Variants in WDR72 observed in about 807,000 individuals in gnomAD.
The protein encoded by WDR72 is WD repeat domain 72.
Under a neutral mutation model 124.2 loss-of-function variants are expected in WDR72, and 120 were observed. The ratio of observed to expected loss-of-function variants is 0.97; its 90% CI spans 0.83 to 1.12. The LOEUF (loss-of-function observed/expected upper bound fraction) is 1.12, where lower values mean the gene tolerates loss of function less well. Ranked by LOEUF, WDR72 falls within the 50% of genes most tolerant of loss-of-function variation. The probability of loss-of-function intolerance (pLI) is 0.00; values close to 1 mark genes in which losing one functional copy is unlikely to be tolerated. For synonymous variants in WDR72, 452 were observed against 441.7 expected, an observed-to-expected ratio of 1.02 and a Z score of -0.29; for missense variants, 1,387 against 1,278.8, an observed-to-expected ratio of 1.08 and a Z score of -1.29.
chr15:53,760,097 G>A (rs536109137), upstream of WDR72, among the ~76,000 whole-genome samples: 1 of 150,346 alleles, frequency 6.7e-6, no homozygotes, highest in African/African-American at 2.5e-5. Context: ...TTTTGATACA[G>A]ACAAACAATG....
chr15:53,706,207 C>A, intron 9 of WDR72, 133 bp from the exon 10 acceptor site: 1 of 1,085,036 alleles, frequency 9.2e-7, no homozygotes, highest in South Asian at 1.5e-5. Flanking sequence ...TTGACATTTT[C>A]AAGTAAATTA....
At chr15:53,596,405 T>G (rs1171073646) in intron 18 of WDR72, among the ~76,000 whole-genome samples, 1 of 152,130 alleles carries the variant, frequency 6.6e-6, no homozygotes, top group African/African-American at 2.4e-5. Context: ...CCCTAAACCA[T>G]AAACATTATC....
chr15:53,537,293 A>T (rs1215373520), intron 18 of WDR72, among the ~76,000 whole-genome samples: 2 of 152,174 alleles, frequency 1.3e-5, no homozygotes, highest in African/African-American at 4.8e-5. Context: ...TAATTATTAG[A>T]TGTTCAGAGA....
chr15:53,652,301 C>T (rs2015270300), intron 14 of WDR72, among the ~76,000 whole-genome samples: 1 of 152,184 alleles, frequency 6.6e-6, no homozygotes, highest in Non-Finnish European at 1.5e-5. Flanking sequence ...CCTGGGGCTG[C>T]TAATCCAGTA....
intron 14 of WDR72, among the ~76,000 whole-genome samples, chr15:53,621,031 CAACA>C (rs2140376493): frequency 6.6e-6 from 1 of 151,848 alleles, no homozygotes; most frequent in East Asian, 1.9e-4. Flanking sequence ...TAAAAATTGC[CAACA>C]AACATATAAA....
At chr15:53,625,170 T>A (rs1169303136) in intron 14 of WDR72, among the ~76,000 whole-genome samples, 2 of 152,190 alleles carry the variant, frequency 1.3e-5, no homozygotes, top group Non-Finnish European at 2.9e-5. Context: ...ACTGCAATTT[T>A]TAAAAGTCTA....
intron 17 of WDR72, among the ~76,000 whole-genome samples, chr15:53,606,527 G>A (rs1050591514): frequency 1.3e-5 from 2 of 152,102 alleles, no homozygotes; most frequent in South Asian, 2.1e-4. Flanking sequence ...ATATAACAGC[G>A]AGAAGACAAA....
chr15:53,555,194 A>G (rs1166011257), intron 18 of WDR72, among the ~76,000 whole-genome samples: 1 of 138,830 alleles, frequency 7.2e-6, no homozygotes, highest in East Asian at 2.4e-4. Flanking sequence ...ACTTTCTACA[A>G]TGTGAAGCCA....
intron 14 of WDR72, among the ~76,000 whole-genome samples, chr15:53,640,917 A>T: frequency 2.0e-5 from 3 of 151,540 alleles, no homozygotes; most frequent in Non-Finnish European, 4.4e-5. Context: ...TATTACAAAG[A>T]TTTTTTTCAA....
At position 53,708,707 on chromosome 15, in the gene WDR72, C is replaced by T. The variant is rs189348788; in HGVS notation, c.954+2150G>A. 3.3e-5 allele frequency among the ~76,000 whole-genome samples: 5 copies of T among 152,230 alleles called. No homozygotes were observed. The East Asian group carries it at 5.8e-4, about 18-fold the overall frequency. ...TCATCATCACCATCATCATCATCAC[C>T]ATTACTCTTAGTTCATGCACACACA... On this transcript the variant is annotated intron_variant, in intron 9 of 19. Transcript: ENST00000360509.
At chr15:53,579,309 T>G (rs2011789857) in intron 18 of WDR72, among the ~76,000 whole-genome samples, 1 of 152,074 alleles carries the variant, frequency 6.6e-6, no homozygotes, top group African/African-American at 2.4e-5. Flanking sequence ...AAATAATACA[T>G]TAACCAGAAT....
chr15:53,555,764 A>AT (rs1230944496), intron 18 of WDR72, among the ~76,000 whole-genome samples: 5 of 152,102 alleles, frequency 3.3e-5, no homozygotes, highest in African/African-American at 7.2e-5. Flanking sequence ...CATTTAAAAA[A>AT]ATATATATTT....
chr15:53,750,898 C>T (rs2018758294), intron 1 of WDR72, among the ~76,000 whole-genome samples: 1 of 152,120 alleles, frequency 6.6e-6, no homozygotes, highest in Non-Finnish European at 1.5e-5. Context: ...TGAGAAGCTG[C>T]TTCTTATGAA....
In WDR72 at chr15:53,743,723, T is replaced by C. The variant is rs190564425; in HGVS notation, c.-12-10562A>G. 4.8e-3 allele frequency among the ~76,000 whole-genome samples: 725 copies of C among 152,298 alleles called. 9 individuals are homozygous for C. The highest frequency in any genetic ancestry group is 0.017 in the African/African-American group (695 of 41,564). On this transcript the variant is annotated intron_variant, in intron 1 of 19. Transcript: ENST00000360509. The stretch of plus-strand genomic sequence containing the variant: ...CAGGCACAGTGGCTCACGCCTGTAA[T>C]CCCAGCACTTTGGGAGGCCGAGATG...
At chr15:53,713,454 T>TTTTATTTTATTTTAA in intron 6 of WDR72, among the ~76,000 whole-genome samples, 1 of 151,326 alleles carries the variant, frequency 6.6e-6, no homozygotes, top group East Asian at 1.9e-4. Context: ...TTTTATTTTA[T>TTTTATTTTATTTTAA]TTTATTTTTT....
At chr15:53,595,733 T>G (rs984685496) in intron 18 of WDR72, among the ~76,000 whole-genome samples, 2 of 152,108 alleles carry the variant, frequency 1.3e-5, no homozygotes, top group African/African-American at 4.8e-5. Flanking sequence ...CAAAATTAAT[T>G]AAAAAGCAAT....
At chr15:53,532,073 C>G (rs191579177) in intron 18 of WDR72, among the ~76,000 whole-genome samples, 1 of 151,984 alleles carries the variant, frequency 6.6e-6, no homozygotes, top group South Asian at 2.1e-4. Flanking sequence ...TAGAGAAATG[C>G]AAATTAAACT....
At chr15:53,599,344 T>C (rs142235153) in intron 17 of WDR72, among the ~76,000 whole-genome samples, 83 of 152,262 alleles carry the variant, frequency 5.5e-4, no homozygotes, top group African/African-American at 2.0e-3. Flanking sequence ...GGTTCCATGA[T>C]GTGGATGATG....
At chr15:53,517,864 G>T in intron 19 of WDR72, 110 bp from the exon 20 acceptor site, 1 of 1,005,222 alleles carries the variant, frequency 9.9e-7, no homozygotes. Context: ...GATACAGAAA[G>T]GAAGAAGGGA....
Sources: gnomAD v4.1 joint callset for allele counts (sites outside exome capture counted in the v4.1 genomes callset) on GRCh38, gnomAD v4.1.1 for gene constraint, MANE v1.5 for transcripts, NCBI Gene and HGNC (gene_info 2026-07-23, HGNC 2026-07-21) for gene names.